The following ZDHHC3 variants were observed in gnomAD, a reference collection of about 807,000 sequenced individuals.
ZDHHC3 encodes the protein zDHHC palmitoyltransferase 3.
A neutral mutation model predicts 30.6 loss-of-function variants in ZDHHC3; 9 were observed. The observed-to-expected ratio is 0.29, with a 90% confidence interval of 0.18 to 0.51. The LOEUF (loss-of-function observed/expected upper bound fraction) is 0.51. ZDHHC3 is among the 20% of genes least tolerant of loss of function. The pLI, the probability that ZDHHC3 is intolerant of heterozygous loss-of-function variation, is 0.97. For missense variants in ZDHHC3, 246 were observed against 384.2 expected, an observed-to-expected ratio of 0.64 and a Z score of 3.01; for synonymous variants, 136 against 140.2, an observed-to-expected ratio of 0.97 and a Z score of 0.21.
At chr3:44,939,067 T>A (rs1702218702) in intron 3 of ZDHHC3, among the ~76,000 whole-genome samples, 1 of 152,202 alleles carries the variant, frequency 6.6e-6, no homozygotes, top group Non-Finnish European at 1.5e-5. Flanking sequence ...ACCCTTGCTC[T>A]TTTCCACAAC....
intron 1 of ZDHHC3, among the ~76,000 whole-genome samples, chr3:44,973,978 T>C (rs922280793): frequency 6.6e-6 from 1 of 152,226 alleles, no homozygotes; most frequent in Non-Finnish European, 1.5e-5. Context: ...TTGGTTATCA[T>C]ATGTTCTTTG....
In ZDHHC3 at chr3:44,959,398, C is replaced by T. The variant is rs762229808; in HGVS notation, c.39G>A (p.Glu13=). ...LIPTHHFRNI[E]RKPEYLQPEK... ...CTGGCTGGAGGTATTCTGGTTTCCGCTCAATGTTTCGGAAGTGGTGGGTGG... is the reference window on the plus strand; with the variant it reads ...CTGGCTGGAGGTATTCTGGTTTCCGTTCAATGTTTCGGAAGTGGTGGGTGG... The change falls in exon 2 of 7, where the codon GAG becomes GAA. Residue 13 remains glutamate, a synonymous_variant. Transcript: ENST00000424952. This position sits in a 1 kb window ranked among gnomAD's most constrained non-coding sequence, Gnocchi z 4.3. 8 of 1,614,168 alleles carry T rather than the reference C, an allele frequency of 5.0e-6. No individual in the cohort carries two copies. In the Admixed American group the frequency reaches 1.2e-4, roughly 24 times the overall value.
intron 1 of ZDHHC3, among the ~76,000 whole-genome samples, chr3:44,962,089 G>T (rs561975109): frequency 6.6e-6 from 1 of 152,272 alleles, no homozygotes; most frequent in East Asian, 1.9e-4. Context: ...CATCTGTGAC[G>T]GCAAAACCTC....
At chr3:44,955,009 T>A (rs1456311197) in intron 2 of ZDHHC3, among the ~76,000 whole-genome samples, 2 of 152,114 alleles carry the variant, frequency 1.3e-5, no homozygotes, top group Non-Finnish European at 2.9e-5. Flanking sequence ...GTCTAAAGTG[T>A]TTCCAGAACA....
chr3:44,928,539 C>A (rs1559656341), intron 6 of ZDHHC3, among the ~76,000 whole-genome samples: 1 of 152,266 alleles, frequency 6.6e-6, no homozygotes, highest in East Asian at 1.9e-4. Context: ...TTCCTCACAC[C>A]CAGAGCTAAG....
At chr3:44,962,495 A>AGAGGGAAG (rs1704562591) in intron 1 of ZDHHC3, among the ~76,000 whole-genome samples, 1 of 112,202 alleles carries the variant, frequency 8.9e-6, no homozygotes, top group Non-Finnish European at 1.8e-5. Context: ...AAAGGGAGAG[A>AGAGGGAAG]GAAGGAAGGA....
chr3:44,944,471 T>C (rs1276425754), intron 3 of ZDHHC3, among the ~76,000 whole-genome samples: 3 of 151,490 alleles, frequency 2.0e-5, no homozygotes, highest in Admixed American at 6.6e-5. Context: ...TTTGTAGAGA[T>C]AGAGTCTCGC....
chr3:44,928,592 T>C (rs189116291), intron 6 of ZDHHC3, among the ~76,000 whole-genome samples: 4 of 152,208 alleles, frequency 2.6e-5, no homozygotes, highest in Admixed American at 2.6e-4. Flanking sequence ...GAAATGCCCA[T>C]ATTGCAGCCA....
chr3:44,932,422 G>A (rs1235335934), intron 5 of ZDHHC3, among the ~76,000 whole-genome samples: 1 of 152,172 alleles, frequency 6.6e-6, no homozygotes, highest in Non-Finnish European at 1.5e-5. Context: ...GAAATACAAT[G>A]TTCCTTGCTC....
At chr3:44,975,366 A>G (rs540868533) in intron 1 of ZDHHC3, 1 of 152,120 alleles carries the variant, frequency 6.6e-6, no homozygotes, top group East Asian at 1.9e-4. Context: ...ACTTCCATCA[A>G]GCCGGGGTTT....
intron 2 of ZDHHC3, among the ~76,000 whole-genome samples, chr3:44,955,455 T>TATATATATA (rs1703853482): frequency 5.6e-5 from 5 of 89,052 alleles, no homozygotes; most frequent in African/African-American, 2.7e-4. Context: ...ACCACAAGGT[T>TATATATATA]TTTATATATA....
intron 5 of ZDHHC3, among the ~76,000 whole-genome samples, chr3:44,932,019 T>G (rs1352610465): frequency 3.3e-5 from 5 of 152,218 alleles, no homozygotes; most frequent in Non-Finnish European, 7.3e-5. Context: ...TGACAGTCTG[T>G]GCTACCCCTA....
rs867957683 is a variant in ZDHHC3 at position 44,931,555 on chromosome 3, G to A, written c.610+1563C>T. Among the ~76,000 whole-genome samples the A allele has an allele frequency of 3.9e-5, 6 of 152,296 alleles. No individual in the cohort carries two copies. The South Asian group carries it at 6.2e-4, about 16-fold the overall frequency. On this transcript the variant is annotated intron_variant, in intron 5 of 6. Coordinates refer to ENST00000424952, the MANE Select transcript of ZDHHC3 (RefSeq NM_001135179.2). Reference sequence around the variant, plus strand: ...CCTATGGCCCAACAGCTCCACCAGGGCTGAGCAGTGAGGGCAGTAATGGTC... The same window carrying A: ...CCTATGGCCCAACAGCTCCACCAGGACTGAGCAGTGAGGGCAGTAATGGTC...
In ZDHHC3 at chr3:44,915,287, CAAAG is replaced by C. The variant is rs952496652; in HGVS notation, c.*11398_*11401del. 3 of 152,162 alleles carry C rather than the reference CAAAG, an allele frequency of 2.0e-5. No homozygotes were observed. Among genetic ancestry groups the C allele is most frequent in the Admixed American group, 6.5e-5 (1 of 15,280 alleles). 9.4% of individuals were successfully genotyped at this position (152,162 alleles called of 1,614,324 possible). On this transcript the variant is annotated 3_prime_UTR_variant, in exon 7 of 7. Transcript: ENST00000424952. The stretch of plus-strand genomic sequence containing the variant: ...GAGGGTGAGCAAAGAGCTTTTTATT[CAAAG>C]AAAGAGGCAAATTGCACCCAATCTC...
At chr3:44,949,921 G>A (rs576432025) in intron 2 of ZDHHC3, among the ~76,000 whole-genome samples, 1 of 152,016 alleles carries the variant, frequency 6.6e-6, no homozygotes, top group Non-Finnish European at 1.5e-5. Context: ...CTGCAGCTTT[G>A]ACCTTCCAGG....
At chr3:44,965,982 C>T (rs972233798) in intron 1 of ZDHHC3, among the ~76,000 whole-genome samples, 15 of 152,176 alleles carry the variant, frequency 9.9e-5, no homozygotes, top group Admixed American at 3.3e-4. Flanking sequence ...CATCTTGAGA[C>T]GGTACAAAGT....
In ZDHHC3 at chr3:44,933,104, C is replaced by T; in HGVS notation, c.610+14G>A. ...CACCCTGGAGCAGGGAGGAAAGCCT[C>T]AGCACATACTCACTTGTCCAATCTT... On this transcript the variant is annotated intron_variant, in intron 5 of 6. Transcript: ENST00000424952. The T allele has an allele frequency of 7.4e-6, 12 of 1,614,100 alleles. No individual in the cohort carries two copies. Among genetic ancestry groups the T allele is most frequent in the Non-Finnish European group, 1.0e-5 (12 of 1,179,944 alleles).
At chr3:44,947,277 C>T (rs1303959069) in intron 2 of ZDHHC3, among the ~76,000 whole-genome samples, 1 of 152,116 alleles carries the variant, frequency 6.6e-6, no homozygotes, top group East Asian at 1.9e-4. Flanking sequence ...TCTGAAGTGC[C>T]TGAGGGACAC....
In ZDHHC3 at chr3:44,944,152, A is replaced by G. The variant is rs145659024; in HGVS notation, c.431+1016T>C. 6.7e-4 allele frequency among the ~76,000 whole-genome samples: 102 copies of G among 152,132 alleles called. 1 individual carries two copies. In the East Asian group the frequency reaches 0.015, roughly 22 times the overall value. ...CCACCACACCCAGCTAATTAAAAAAAAATTTTTTTTTTTTGAGATGGAGTT... is the reference window on the plus strand; with the variant it reads ...CCACCACACCCAGCTAATTAAAAAAGAATTTTTTTTTTTTGAGATGGAGTT... On this transcript the variant is annotated intron_variant, in intron 3 of 6. Coordinates refer to ENST00000424952, the MANE Select transcript of ZDHHC3 (RefSeq NM_001135179.2).
Sources: allele counts gnomAD v4.1 joint callset (sites outside exome capture counted in the v4.1 genomes callset), GRCh38; gene constraint gnomAD v4.1.1; non-coding constraint Gnocchi (gnomAD v3.1); transcripts MANE v1.5; gene names NCBI Gene and HGNC (gene_info 2026-07-23, HGNC 2026-07-21).